Variants in RCC1 observed in about 807,000 individuals in gnomAD.
RCC1 encodes regulator of chromosome condensation 1.
RCC1 carries 11 observed loss-of-function variants against 44.4 expected under a neutral mutation model. The observed-to-expected ratio is 0.25, with a 90% confidence interval of 0.16 to 0.41. RCC1 has a LOEUF of 0.41. RCC1 is among the 10% of genes least tolerant of loss of function. The pLI is 1.00. For missense variants in RCC1, 386 were observed against 547.1 expected, an observed-to-expected ratio of 0.71 and a Z score of 2.94; for synonymous variants, 213 against 216.5, an observed-to-expected ratio of 0.98 and a Z score of 0.14.
In RCC1 at chr1:28,536,659, C is replaced by A; in HGVS notation, c.938-88C>A. The A allele has an allele frequency of 1.4e-6, 2 of 1,480,590 alleles. No individual in the cohort carries two copies. Among genetic ancestry groups the A allele is most frequent in the Non-Finnish European group, 9.3e-7 (1 of 1,077,854 alleles). The allele number at this position is 1,480,590 out of a possible 1,614,324, so 91.7% of individuals were successfully genotyped here. ...CGCTCTGGGAGCAGGGACACACTCC[C>A]ATGGACAGGTGGACTCACCTAGCCT... On this transcript the variant is annotated intron_variant, in intron 11 of 12. Transcript: ENST00000683442. The surrounding 1 kb of genome is among the most constrained non-coding windows in gnomAD (Gnocchi z 4.9).
chr1:28,514,115 T>C (rs1557868684), intron 3 of RCC1, among the ~76,000 whole-genome samples: 3 of 149,486 alleles, frequency 2.0e-5, no homozygotes, highest in African/African-American at 2.5e-5. Flanking sequence ...TGCAGTGAGC[T>C]GAGATCGTGC....
chr1:28,527,738 C>T (rs185104520), intron 4 of RCC1, among the ~76,000 whole-genome samples: 34 of 152,208 alleles, frequency 2.2e-4, no homozygotes, highest in African/African-American at 7.5e-4. Flanking sequence ...TGGCCAGGCA[C>T]GATGGCTCAC....
In RCC1 at chr1:28,535,942, G is replaced by T. The variant is rs113449876; in HGVS notation, c.733G>T (p.Ala245Ser). ...CCGGGGCCACGTGAGATTCCAGGAT[G>T]CCTTTTGTGGTGCCTATTTCACCTT... is the stretch of plus-strand genomic sequence containing the variant. ...GSRGHVRFQDAFCGAYFTFAI... is the reference protein window; with the variant it reads ...GSRGHVRFQDSFCGAYFTFAI... The change falls in exon 10 of 13, where the codon GCC (alanine) becomes TCC (serine). Residue 245 changes from alanine (A) to serine (S), a missense_variant. Ala to Ser is a moderately conservative substitution (Grantham distance 99). Transcript: ENST00000683442. 1.9e-6 allele frequency: 3 copies of T among 1,614,118 alleles called. No homozygotes were observed. Among genetic ancestry groups the T allele is most frequent in the Non-Finnish European group, 2.5e-6 (3 of 1,180,016 alleles).
rs1209194337 is a variant in RCC1 at position 28,528,879 on chromosome 1, G to A, written c.-9-979G>A. Among the ~76,000 whole-genome samples, 5 of 130,896 alleles carry A rather than the reference G, an allele frequency of 3.8e-5. No individual in the cohort carries two copies. The South Asian group carries it at 7.7e-4, about 20-fold the overall frequency. The allele number at this position is 130,896 out of a possible 152,430, so 85.9% of individuals were successfully genotyped here. A position where few individuals can be genotyped will look rare whatever the true frequency, so the allele number is the denominator to read the frequency against. On this transcript the variant is annotated intron_variant, in intron 4 of 12. Coordinates refer to ENST00000683442, the MANE Select transcript of RCC1 (RefSeq NM_001381865.2). Reference sequence around the variant, plus strand: ...TTTTTTTTTTTGGTTGGGGGGTGGAGTTTCACTACTCTTTCTCCCAGGCTG... The same window carrying A: ...TTTTTTTTTTTGGTTGGGGGGTGGAATTTCACTACTCTTTCTCCCAGGCTG...
At position 28,538,043 on chromosome 1, in the gene RCC1, A is replaced by T; in HGVS notation, c.*36A>T. 2 of 1,586,120 alleles carry T rather than the reference A, an allele frequency of 1.3e-6. No homozygotes were observed. The highest frequency in any genetic ancestry group is 1.7e-6 in the Non-Finnish European group (2 of 1,164,394). On this transcript the variant is annotated 3_prime_UTR_variant, in exon 13 of 13. Coordinates refer to ENST00000683442, the MANE Select transcript of RCC1 (RefSeq NM_001381865.2). Reference sequence around the variant, plus strand: ...GAGGGCCTGGCTTCTGTCCTGCACAACCTCCCTCACAGAACAGGGAAGCAG... The same window carrying T: ...GAGGGCCTGGCTTCTGTCCTGCACATCCTCCCTCACAGAACAGGGAAGCAG...
intron 5 of RCC1, among the ~76,000 whole-genome samples, chr1:28,530,823 G>A (rs1432942537): frequency 1.3e-5 from 2 of 152,220 alleles, no homozygotes; most frequent in African/African-American, 4.8e-5. Flanking sequence ...TCCACTGGAT[G>A]GTGGAGGGAA....
chr1:28,526,984 GAACTC>G (rs1417543260), intron 4 of RCC1: 1 of 859,880 alleles, frequency 1.2e-6, no homozygotes, highest in Non-Finnish European at 2.0e-6. Flanking sequence ...TTAGGTCTTT[GAACTC>G]TCCATTGACC....
intron 1 of RCC1, chr1:28,506,299 C>G (rs1220420216): frequency 6.8e-6 from 3 of 439,632 alleles, no homozygotes; most frequent in Non-Finnish European, 1.4e-5. Context: ...ATTCTCGTGC[C>G]TCAGCCTCTC....
Position 28,536,395 on chromosome 1 carries a change from G to T in RCC1, c.937+14G>T, listed in dbSNP as rs1319956008. 6.2e-7 allele frequency: 1 copy of T among 1,611,334 alleles called. No homozygotes were observed. Among genetic ancestry groups the T allele is most frequent in the African/African-American group, 1.3e-5 (1 of 74,950 alleles). Reference sequence around the variant, plus strand: ...TGGATTCGGAAGGTAGGGCCTTTACGTCCTTCTCTAGTTTGGGGGTGGAGT... The same window carrying T: ...TGGATTCGGAAGGTAGGGCCTTTACTTCCTTCTCTAGTTTGGGGGTGGAGT... On this transcript the variant is annotated intron_variant, in intron 11 of 12. Transcript: ENST00000683442. The surrounding 1 kb of genome is among the most constrained non-coding windows in gnomAD (Gnocchi z 4.9).
intron 4 of RCC1, chr1:28,526,763 G>A: frequency 1.8e-6 from 1 of 544,768 alleles, no homozygotes; most frequent in Non-Finnish European, 3.3e-6. Context: ...AGGCGTCGTG[G>A]CAGGCGCCTG....
intron 5 of RCC1, chr1:28,530,405 G>T: frequency 1.2e-6 from 1 of 812,438 alleles, no homozygotes; most frequent in South Asian, 1.7e-5. Flanking sequence ...TTTGAGGGAG[G>T]TGGCTGTGGT....
At position 28,533,845 on chromosome 1, in the gene RCC1, C is replaced by CTTTTTTTTTTTTTTTTTTTTTTTTTTTTT. The variant is rs1168443435; in HGVS notation, c.442-1183_442-1155dup. On this transcript the variant is annotated intron_variant, in intron 7 of 12. Transcript: ENST00000683442. ...ATATTTTTTTCTTTTCTTTTCTTTT[C>CTTTTTTTTTTTTTTTTTTTTTTTTTTTTT]TTTTTTTTTTTTTTTTTTTTTTTTT... Among the ~76,000 whole-genome samples the CTTTTTTTTTTTTTTTTTTTTTTTTTTTTT allele has an allele frequency of 2.8e-4, 13 of 46,878 alleles. 4 individuals are homozygous for CTTTTTTTTTTTTTTTTTTTTTTTTTTTTT. The highest frequency in any genetic ancestry group is 3.0e-4 in the Non-Finnish European group (8 of 26,884). 30.8% of individuals were successfully genotyped at this position (46,878 alleles called of 152,430 possible).
chr1:28,533,900 CAG>C (rs202019222), intron 7 of RCC1, among the ~76,000 whole-genome samples: 1,663 of 28,526 alleles, frequency 0.058, 197 homozygotes, highest in African/African-American at 0.14. Flanking sequence ...TTTTTTGAGA[CAG>C]AGTCTTGCTC....
Position 28,529,892 on chromosome 1 carries a change from G to C in RCC1, c.26G>C (p.Arg9Thr). 1 of 1,614,038 alleles carries C rather than the reference G, an allele frequency of 6.2e-7. No individual in the cohort carries two copies. The highest frequency in any genetic ancestry group is 1.6e-4 in the Middle Eastern group (1 of 6,062). Residue 9 changes from arginine (R) to threonine (T), a missense_variant, in exon 5 of 13, where the codon AGA becomes ACA. By Grantham distance (71) the Arg-to-Thr change is moderately conservative (BLOSUM62 -1). Transcript: ENST00000683442. Reference sequence around the variant, plus strand: ...ATGTCACCCAAGCGCATAGCTAAAAGAAGGTCCCCCCCAGCAGATGCCATC... The same window carrying C: ...ATGTCACCCAAGCGCATAGCTAAAACAAGGTCCCCCCCAGCAGATGCCATC... The part of the protein sequence containing the change: MSPKRIAK[R>T]RSPPADAIPK...
At chr1:28,507,979 G>A (rs1662154532) in intron 1 of RCC1, 149 bp from the exon 2 acceptor site, 3 of 293,926 alleles carry the variant, frequency 1.0e-5, no homozygotes, top group African/African-American at 6.6e-5. Flanking sequence ...GTAGCTGGAG[G>A]AAGGAGAATC....
At chr1:28,529,306 C>T (rs1663941599) in intron 4 of RCC1, among the ~76,000 whole-genome samples, 1 of 150,924 alleles carries the variant, frequency 6.6e-6, no homozygotes, top group South Asian at 2.1e-4. Context: ...GCCTCAGCCT[C>T]CTGAGTAGCT....
Position 28,537,843 on chromosome 1 carries a change from G to T in RCC1, c.1102G>T (p.Ala368Ser), listed in dbSNP as rs753925071. 6 of 1,612,154 alleles carry T rather than the reference G, an allele frequency of 3.7e-6. No homozygotes were observed. The highest frequency in any genetic ancestry group is 3.4e-6 in the Non-Finnish European group (4 of 1,179,442). Reference protein sequence around the residue: ...YAVTKDGRVFAWGMGTNYQLG... With the variant: ...YAVTKDGRVFSWGMGTNYQLG... ...TCTCTCTCTTGCAGGTCGTGTTTTC[G>T]CCTGGGGCATGGGCACCAACTACCA... is the stretch of plus-strand genomic sequence containing the variant. Residue 368 changes from alanine to serine, a missense_variant, in exon 13 of 13, where the codon GCC becomes TCC. Physicochemically the swap from Ala to Ser is moderately conservative, Grantham distance 99 (BLOSUM62 1). Transcript: ENST00000683442.
At chr1:28,508,028 C>G in intron 1 of RCC1, 100 bp from the exon 2 acceptor site, 1 of 369,772 alleles carries the variant, frequency 2.7e-6, no homozygotes, top group South Asian at 1.9e-5. Context: ...AACCTATACT[C>G]CAGTGCCACT....
chr1:28,537,289 A>G (rs1664612831), intron 12 of RCC1, among the ~76,000 whole-genome samples: 2 of 151,444 alleles, frequency 1.3e-5, no homozygotes, highest in South Asian at 4.2e-4. Context: ...CTAAATCAAG[A>G]AAAAAAAAGG....
Sources: allele counts gnomAD v4.1 joint callset (sites outside exome capture counted in the v4.1 genomes callset), GRCh38; gene constraint gnomAD v4.1.1; non-coding constraint Gnocchi (gnomAD v3.1); transcripts MANE v1.5; gene names NCBI Gene and HGNC (gene_info 2026-07-23, HGNC 2026-07-21).